USP8: variants seen among roughly 807,000 people sequenced by gnomAD.
USP8 encodes the protein ubiquitin carboxyl-terminal hydrolase 8.
In USP8, 27 loss-of-function variants were observed where a neutral mutation model predicts 130.0. That is an observed-to-expected ratio of 0.21 (90% CI 0.15 to 0.29). The LOEUF is 0.29. Among genes scored for constraint, USP8 ranks in the 10% least tolerant of loss-of-function variants. The pLI, the probability that USP8 is intolerant of heterozygous loss-of-function variation, is 1.00. For synonymous variants in USP8, 392 were observed against 444.1 expected (o/e 0.88, Z 1.48); for missense variants, 1,029 against 1,312.2 (o/e 0.78, Z 3.33).
At chr15:50,489,038 A>T (rs145851744) in intron 12 of USP8, among the ~76,000 whole-genome samples, 1 of 152,280 alleles carries the variant, frequency 6.6e-6, no homozygotes, top group Non-Finnish European at 1.5e-5. Context: ...ATCTTAAGAC[A>T]TGAAGAATAT....
At position 50,505,086 on chromosome 15, in the gene USP8, G is replaced by C. The variant is rs191735511; in HGVS notation, c.*5998G>C. The C allele has an allele frequency of 1.3e-5, 2 of 152,254 alleles. No homozygotes were observed. The highest frequency in any genetic ancestry group is 3.9e-4 in the East Asian group (2 of 5,192). The allele number at this position is 152,254 out of a possible 1,614,324, so 9.4% of individuals were successfully genotyped here. A position where few individuals can be genotyped will look rare whatever the true frequency, so the allele number is the denominator to read the frequency against. ...TTAAGAGGCATGAAAAATTGAATGAGAATATTCAGCGTATGTCCTGTAGAA... is the reference window on the plus strand; with the variant it reads ...TTAAGAGGCATGAAAAATTGAATGACAATATTCAGCGTATGTCCTGTAGAA... On this transcript the variant is annotated 3_prime_UTR_variant, in exon 20 of 20. Coordinates refer to ENST00000307179, the MANE Select transcript of USP8 (RefSeq NM_005154.5).
At position 50,481,704 on chromosome 15, in the gene USP8, A is replaced by T; in HGVS notation, c.1442A>T (p.Glu481Val). Residue 481 changes from glutamate to valine, a missense_variant, in exon 11 of 20, where the codon GAA (glutamate) becomes GTA (valine). Glu to Val is a moderately radical substitution (Grantham distance 121). Coordinates refer to ENST00000307179, the MANE Select transcript of USP8 (RefSeq NM_005154.5). ...LLMEKNKQEK[E>V]LRERQQEEQK... ...ATGGAAAAAAACAAACAAGAAAAAG[A>T]ACTTCGGGAAAGGCAGCAAGAGGAA... 6.2e-7 allele frequency: 1 copy of T among 1,612,280 alleles called. No homozygotes were observed. The highest frequency in any genetic ancestry group is 1.3e-5 in the African/African-American group (1 of 74,828).
intron 3 of USP8, among the ~76,000 whole-genome samples, chr15:50,448,448 A>G (rs1434923404): frequency 4.6e-5 from 7 of 152,146 alleles, no homozygotes; most frequent in African/African-American, 1.7e-4. Context: ...AAAAAACAAC[A>G]ACAACAACTT....
intron 17 of USP8, 41 bp from the exon 18 acceptor site, chr15:50,497,048 A>G (rs755319015): frequency 8.3e-6 from 13 of 1,564,400 alleles, no homozygotes; most frequent in Non-Finnish European, 1.0e-5. Context: ...TTATTGAAGA[A>G]TCGAATTAAC....
rs746298852 is a variant in USP8 at position 50,492,666 on chromosome 15, A to G, written c.2235-35A>G. 6.9e-6 allele frequency: 11 copies of G among 1,602,278 alleles called. No individual in the cohort carries two copies. The African/African-American group carries it at 1.5e-4, about 22-fold the overall frequency. ...AGAACCTTAATTTCATATGCTCAGC[A>G]TTTTAAGACATCTTGTATCCTTTTT... is the stretch of plus-strand genomic sequence containing the variant. On this transcript the variant is annotated intron_variant, in intron 14 of 19. Transcript: ENST00000307179.
chr15:50,435,901 G>A (rs1360845826), intron 1 of USP8, among the ~76,000 whole-genome samples: 4 of 152,082 alleles, frequency 2.6e-5, no homozygotes, highest in Non-Finnish European at 5.9e-5. Flanking sequence ...TTCCCTCCTT[G>A]TGTCTAATCA....
intron 1 of USP8, chr15:50,426,751 C>G (rs1378349381): frequency 6.6e-6 from 1 of 152,118 alleles, no homozygotes; most frequent in East Asian, 1.9e-4. Context: ...GAAATTCGCA[C>G]AACATTACTT....
intron 4 of USP8, among the ~76,000 whole-genome samples, 182 bp downstream of exon 4, chr15:50,449,667 C>T (rs902968115): frequency 6.6e-6 from 1 of 151,952 alleles, no homozygotes; most frequent in Non-Finnish European, 1.5e-5. Flanking sequence ...CTGCAAGCTC[C>T]ACTTCCTGGG....
chr15:50,466,496 G>A (rs1021884968), intron 7 of USP8, among the ~76,000 whole-genome samples: 4 of 151,936 alleles, frequency 2.6e-5, no homozygotes, highest in African/African-American at 9.7e-5. Context: ...TCGGGAGGCT[G>A]AGGCAGGAGA....
rs796315046 is a variant in USP8 at position 50,476,250 on chromosome 15, C to T, written c.850-599C>T. 3.3e-5 allele frequency among the ~76,000 whole-genome samples: 5 copies of T among 152,202 alleles called. No individual in the cohort carries two copies. In the South Asian group the frequency reaches 6.2e-4, roughly 19 times the overall value. On this transcript the variant is annotated intron_variant, in intron 8 of 19. Transcript: ENST00000307179. ...TTCGAGACCAGCCTGGGCAACATGG[C>T]GAAACCCCAGCTCACGAAAAGTACA...
chr15:50,500,109 A>C lies in USP8; in HGVS notation c.*1021A>C, dbSNP rs1368957096. On this transcript the variant is annotated 3_prime_UTR_variant, in exon 20 of 20. Coordinates refer to ENST00000307179, the MANE Select transcript of USP8 (RefSeq NM_005154.5). ...CTCCATATAAAAATAAGATTCTAAA[A>C]GTGCTTCAGAAAGAGACCACCATTA... is the stretch of plus-strand genomic sequence containing the variant. 1 of 152,204 alleles carries C rather than the reference A, an allele frequency of 6.6e-6. No individual in the cohort carries two copies. Among genetic ancestry groups the C allele is most frequent in the African/African-American group, 2.4e-5 (1 of 41,454 alleles). 9.4% of individuals were successfully genotyped at this position (152,204 alleles called of 1,614,324 possible). A position where few individuals can be genotyped will look rare whatever the true frequency, so the allele number is the denominator to read the frequency against.
At chr15:50,452,994 A>C (rs972046217) in intron 4 of USP8, among the ~76,000 whole-genome samples, 2 of 152,194 alleles carry the variant, frequency 1.3e-5, no homozygotes. Flanking sequence ...TCTAACAGTG[A>C]AATGATGCTA....
At position 50,459,061 on chromosome 15, in the gene USP8, C is replaced by A; in HGVS notation, c.397C>A (p.Arg133=). The change falls in exon 5 of 20, where the codon CGG becomes AGG. Residue 133 remains arginine, a synonymous_variant. Transcript: ENST00000307179. ...AAAAGACAGGCAGGAGGAAGCACAGCGGCTACAACAAAAAAGGCAGGAAAC... is the reference window on the plus strand; with the variant it reads ...AAAAGACAGGCAGGAGGAAGCACAGAGGCTACAACAAAAAAGGCAGGAAAC... The part of the protein sequence containing the change: ...EEKDRQEEAQ[R]LQQKRQETGR... 1 of 1,613,716 alleles carries A rather than the reference C, an allele frequency of 6.2e-7. No individual in the cohort carries two copies. Among genetic ancestry groups the A allele is most frequent in the South Asian group, 1.1e-5 (1 of 91,054 alleles).
Position 50,503,996 on chromosome 15 carries a change from A to G in USP8, c.*4908A>G, listed in dbSNP as rs2052624925. 1 of 152,226 alleles carries G rather than the reference A, an allele frequency of 6.6e-6. No individual in the cohort carries two copies. Among genetic ancestry groups the G allele is most frequent in the Non-Finnish European group, 1.5e-5 (1 of 68,044 alleles). The allele number at this position is 152,226 out of a possible 1,614,324, so 9.4% of individuals were successfully genotyped here. A position where few individuals can be genotyped will look rare whatever the true frequency, so the allele number is the denominator to read the frequency against. ...GAAACAAACTTTAGAAACTAAATAGAATTTTCAGAAATGAGAAATACAACA... is the reference window on the plus strand; with the variant it reads ...GAAACAAACTTTAGAAACTAAATAGGATTTTCAGAAATGAGAAATACAACA... On this transcript the variant is annotated 3_prime_UTR_variant, in exon 20 of 20. Coordinates refer to ENST00000307179, the MANE Select transcript of USP8 (RefSeq NM_005154.5).
At chr15:50,492,485 T>C (rs1418989979) in intron 14 of USP8, among the ~76,000 whole-genome samples, 2 of 152,102 alleles carry the variant, frequency 1.3e-5, no homozygotes, top group Non-Finnish European at 2.9e-5. Context: ...GTTAAAGGTA[T>C]GTGTTTCATG....
At chr15:50,453,989 A>G (rs561920040) in intron 4 of USP8, among the ~76,000 whole-genome samples, 225 of 148,152 alleles carry the variant, frequency 1.5e-3, no homozygotes, top group African/African-American at 5.1e-3. Flanking sequence ...AGCCTCCCCA[A>G]GTAGCTGGGA....
At chr15:50,470,722 C>T (rs1455957459) in intron 7 of USP8, among the ~76,000 whole-genome samples, 1 of 151,842 alleles carries the variant, frequency 6.6e-6, no homozygotes, top group Non-Finnish European at 1.5e-5. Context: ...GCCTCAGCCT[C>T]CTCAGTAGCT....
At chr15:50,473,454 A>G (rs994836237) in intron 8 of USP8, among the ~76,000 whole-genome samples, 1 of 152,030 alleles carries the variant, frequency 6.6e-6, no homozygotes, top group Admixed American at 6.6e-5. Flanking sequence ...AGACATAACC[A>G]TCATAGGCCT....
chr15:50,477,473 G>C lies in USP8; in HGVS notation c.1192G>C (p.Val398Leu). The C allele has an allele frequency of 6.2e-7, 1 of 1,613,914 alleles. No homozygotes were observed. Among genetic ancestry groups the C allele is most frequent in the Non-Finnish European group, 8.5e-7 (1 of 1,179,944 alleles). Residue 398 changes from valine to leucine, a missense_variant, in exon 10 of 20, where the codon GTG (valine) becomes CTG (leucine). Val to Leu is a conservative substitution (Grantham distance 32). This residue lies in a region of USP8 where 486 missense variants were observed against 522.0 expected (regional missense o/e 0.93). Transcript: ENST00000307179. ...TGATGTTTCACCCATAATTCAGCCAGTGCCTAGTATAAAGAATGTTCCACA... is the reference window on the plus strand; with the variant it reads ...TGATGTTTCACCCATAATTCAGCCACTGCCTAGTATAAAGAATGTTCCACA... ...KSDVSPIIQP[V>L]PSIKNVPQID...
Sources: gnomAD v4.1 joint callset for allele counts (sites outside exome capture counted in the v4.1 genomes callset) on GRCh38, gnomAD v4.1.1 for gene constraint, gnomAD v4.1.1 regional missense constraint, MANE v1.5 for transcripts, NCBI Gene and HGNC (gene_info 2026-07-23, HGNC 2026-07-21) for gene names.